The following SDK1 variants were observed in gnomAD, a reference collection of about 807,000 sequenced individuals.
SDK1 encodes protein sidekick-1.
A neutral mutation model predicts 245.5 loss-of-function variants in SDK1; 157 were observed. The ratio of observed to expected loss-of-function variants is 0.64; its 90% confidence interval spans 0.56 to 0.73. The LOEUF (loss-of-function observed/expected upper bound fraction) is 0.73, where lower values mean the gene tolerates loss of function less well. SDK1 is among the 30% of genes least tolerant of loss of function. The probability of loss-of-function intolerance (pLI) is 0.00; values close to 1 mark genes in which losing one functional copy is unlikely to be tolerated. For synonymous variants in SDK1, 1,647 were observed against 1,278.5 expected (o/e 1.29, Z -6.15); for missense variants, 3,583 against 3,002.3 (o/e 1.19, Z -4.52).
chr7:4,111,589 CTTAG>C (rs1783355469), intron 23 of SDK1, among the ~76,000 whole-genome samples: 1 of 151,244 alleles, frequency 6.6e-6, no homozygotes, highest in Admixed American at 6.6e-5. Flanking sequence ...CCTTCAGGAG[CTTAG>C]AACAGACAAA....
chr7:4,140,056 C>T (rs1015055910), intron 28 of SDK1, among the ~76,000 whole-genome samples: 1 of 152,120 alleles, frequency 6.6e-6, no homozygotes, highest in Non-Finnish European at 1.5e-5. Context: ...AGTGTGACCT[C>T]CAGAGTGCCT....
chr7:3,653,828 A>T (rs529231814), intron 4 of SDK1, among the ~76,000 whole-genome samples: 13 of 152,236 alleles, frequency 8.5e-5, no homozygotes, highest in African/African-American at 3.1e-4. Flanking sequence ...TTAGAATCTC[A>T]CCTAGTGGGT....
chr7:4,148,433 C>T (rs1780134265), intron 29 of SDK1, among the ~76,000 whole-genome samples: 1 of 152,224 alleles, frequency 6.6e-6, no homozygotes, highest in South Asian at 2.1e-4. Context: ...CCCCAGGCAC[C>T]CCGCGTCCCG....
chr7:3,580,412 C>G (rs796508915), intron 1 of SDK1, among the ~76,000 whole-genome samples: 1 of 152,122 alleles, frequency 6.6e-6, no homozygotes. Context: ...GCTACAGTAA[C>G]CAGAACAGTA....
chr7:3,459,660 C>G (rs985165673), intron 1 of SDK1, among the ~76,000 whole-genome samples: 3 of 152,200 alleles, frequency 2.0e-5, no homozygotes, highest in African/African-American at 4.8e-5. Flanking sequence ...AGTCCCCACC[C>G]CATAAATTGC....
At chr7:3,341,686 A>G (rs1386711850) in intron 1 of SDK1, among the ~76,000 whole-genome samples, 1 of 152,232 alleles carries the variant, frequency 6.6e-6, no homozygotes. Flanking sequence ...TAAAAACACA[A>G]TGCCATTTAT....
At chr7:3,907,774 A>AT in intron 5 of SDK1, among the ~76,000 whole-genome samples, 1 of 152,214 alleles carries the variant, frequency 6.6e-6, no homozygotes, top group East Asian at 1.9e-4. Context: ...TTAGGTTAAC[A>AT]TATATGATAT....
intron 1 of SDK1, among the ~76,000 whole-genome samples, chr7:3,499,110 G>C (rs1258490417): frequency 6.6e-6 from 1 of 152,106 alleles, no homozygotes; most frequent in African/African-American, 2.4e-5. Context: ...TACAACTCTT[G>C]ATTTTAATGT....
intron 1 of SDK1, among the ~76,000 whole-genome samples, chr7:3,466,706 G>C (rs1374495759): frequency 1.3e-5 from 2 of 151,412 alleles, no homozygotes; most frequent in African/African-American, 4.9e-5. Flanking sequence ...TTTGCTAATA[G>C]TGGCAGAACT....
intron 16 of SDK1, among the ~76,000 whole-genome samples, chr7:4,013,410 T>C (rs918729047): frequency 1.3e-5 from 2 of 152,236 alleles, no homozygotes; most frequent in Middle Eastern, 3.2e-3. Context: ...CCAGTGATAT[T>C]GGGACAAGAA....
At chr7:3,702,954 A>G (rs1784781026) in intron 4 of SDK1, among the ~76,000 whole-genome samples, 1 of 152,154 alleles carries the variant, frequency 6.6e-6, no homozygotes, top group Admixed American at 6.5e-5. Flanking sequence ...GGAAGATGCA[A>G]AGAAATTGGA....
At chr7:4,201,755 G>T (rs1356212029) in intron 35 of SDK1, among the ~76,000 whole-genome samples, 1 of 152,160 alleles carries the variant, frequency 6.6e-6, no homozygotes, top group African/African-American at 2.4e-5. Flanking sequence ...TGACTGGCAT[G>T]GCACAGGGTG....
intron 41 of SDK1, 89 bp from the exon 42 acceptor site, chr7:4,237,558 G>T (rs1032230308): frequency 2.7e-6 from 4 of 1,495,428 alleles, no homozygotes; most frequent in East Asian, 4.5e-5. Flanking sequence ...ATCTACCCCA[G>T]CCTTCCCTGC....
chr7:3,780,943 C>T (rs537881238), intron 4 of SDK1, among the ~76,000 whole-genome samples: 2 of 152,112 alleles, frequency 1.3e-5, no homozygotes, highest in East Asian at 3.9e-4. Context: ...TTCCACTCAG[C>T]CCAAAAGCCC....
At chr7:3,991,046 C>T (rs1440107856) in intron 14 of SDK1, among the ~76,000 whole-genome samples, 1 of 152,230 alleles carries the variant, frequency 6.6e-6, no homozygotes, top group Non-Finnish European at 1.5e-5. Context: ...CTGCGAACAG[C>T]AAGGAGACAG....
At chr7:4,249,553 G>T (rs942778481) in intron 44 of SDK1, among the ~76,000 whole-genome samples, 2 of 152,154 alleles carry the variant, frequency 1.3e-5, no homozygotes, top group African/African-American at 4.8e-5. Context: ...GGATTTGGGG[G>T]CCCAAGGCAC....
At chr7:3,321,038 A>G (rs1396758802) in intron 1 of SDK1, among the ~76,000 whole-genome samples, 1 of 152,214 alleles carries the variant, frequency 6.6e-6, no homozygotes, top group Non-Finnish European at 1.5e-5. Flanking sequence ...TTCTGCTAAT[A>G]TAACATAGGA....
intron 4 of SDK1, among the ~76,000 whole-genome samples, chr7:3,738,778 C>G (rs1389931465): frequency 6.6e-6 from 1 of 151,594 alleles, no homozygotes; most frequent in Non-Finnish European, 1.5e-5. Flanking sequence ...GTATTTTACT[C>G]TTTTTAATAC....
At chr7:3,494,483 AAG>A (rs1407889697) in intron 1 of SDK1, among the ~76,000 whole-genome samples, 2 of 152,150 alleles carry the variant, frequency 1.3e-5, no homozygotes, top group African/African-American at 4.8e-5. Context: ...AGATTTGTGA[AAG>A]AATTTTTTTT....
Sources: allele counts gnomAD v4.1 joint callset (sites outside exome capture counted in the v4.1 genomes callset), GRCh38; gene constraint gnomAD v4.1.1; transcripts MANE v1.5; gene names NCBI Gene and HGNC (gene_info 2026-07-23, HGNC 2026-07-21).